SNTB2: variants seen among roughly 807,000 people sequenced by gnomAD.
SNTB2 encodes the protein beta-2-syntrophin.
SNTB2 carries 34 observed loss-of-function variants against 46.2 expected under a neutral mutation model. The ratio of observed to expected loss-of-function variants is 0.74; its 90% CI spans 0.56 to 0.98. The LOEUF is 0.98. Among genes scored for constraint, SNTB2 ranks in the 50% least tolerant of loss-of-function variants. SNTB2 has a pLI of 0.00. For missense variants in SNTB2, 603 were observed against 731.4 expected, an observed-to-expected ratio of 0.82 and a Z score of 2.02; for synonymous variants, 290 against 312.6, an observed-to-expected ratio of 0.93 and a Z score of 0.76.
chr16:69,265,395 C>T (rs1264650143), intron 3 of SNTB2, among the ~76,000 whole-genome samples: 1 of 152,194 alleles, frequency 6.6e-6, no homozygotes, highest in East Asian at 1.9e-4. Context: ...TTACTTTTTG[C>T]TCTCCATTTT....
chr16:69,213,086 A>C (rs571329082), intron 1 of SNTB2, among the ~76,000 whole-genome samples: 1 of 152,306 alleles, frequency 6.6e-6, no homozygotes, highest in East Asian at 1.9e-4. Context: ...GACAGTGGCA[A>C]GTCTTTTTTT....
At chr16:69,288,742 T>C (rs1292743185) in intron 5 of SNTB2, among the ~76,000 whole-genome samples, 1 of 152,196 alleles carries the variant, frequency 6.6e-6, no homozygotes, top group Non-Finnish European at 1.5e-5. Flanking sequence ...TGCACCTCCA[T>C]GTTTATTGCT....
At chr16:69,275,230 G>A (rs1262333863) in intron 4 of SNTB2, among the ~76,000 whole-genome samples, 1 of 151,830 alleles carries the variant, frequency 6.6e-6, no homozygotes, top group East Asian at 1.9e-4. Flanking sequence ...AAGCCACTAT[G>A]CCAGGTTAAT....
chr16:69,210,109 C>T (rs916114820), intron 1 of SNTB2, among the ~76,000 whole-genome samples: 2 of 147,904 alleles, frequency 1.4e-5, no homozygotes, highest in Admixed American at 1.4e-4. Flanking sequence ...CACCACCATC[C>T]GCCTCCTGGG....
At chr16:69,262,910 A>G (rs1964848520) in intron 3 of SNTB2, among the ~76,000 whole-genome samples, 1 of 152,062 alleles carries the variant, frequency 6.6e-6, no homozygotes, top group Non-Finnish European at 1.5e-5. Context: ...TCTTGACCTC[A>G]GGTCATCCAC....
At chr16:69,209,374 A>C (rs1003126062) in intron 1 of SNTB2, among the ~76,000 whole-genome samples, 1 of 152,178 alleles carries the variant, frequency 6.6e-6, no homozygotes, top group African/African-American at 2.4e-5. Flanking sequence ...TTCCATTATT[A>C]TCTGTGTGTA....
At chr16:69,284,399 T>C (rs934450521) in intron 5 of SNTB2, among the ~76,000 whole-genome samples, 155 bp downstream of exon 5, 40 of 144,334 alleles carry the variant, frequency 2.8e-4, no homozygotes, top group South Asian at 6.4e-4. Context: ...CTTTTCTAAG[T>C]GTACATATGT....
chr16:69,233,160 C>G (rs1160747369), intron 1 of SNTB2, among the ~76,000 whole-genome samples: 1 of 152,180 alleles, frequency 6.6e-6, no homozygotes, highest in African/African-American at 2.4e-5. Flanking sequence ...TTTCCCCCCT[C>G]ATGCCTAGCA....
At chr16:69,187,805 C>G (rs905330682) in intron 1 of SNTB2, 59 bp downstream of exon 1, 15 of 1,294,446 alleles carry the variant, frequency 1.2e-5, no homozygotes, top group Non-Finnish European at 1.3e-5. Context: ...CGCGGGAGCT[C>G]ACTTTGTTCC....
intron 1 of SNTB2, among the ~76,000 whole-genome samples, chr16:69,226,128 A>G (rs533309422): frequency 1.8e-4 from 28 of 151,400 alleles, no homozygotes; most frequent in African/African-American, 6.3e-4. Flanking sequence ...CTGGAGTGCT[A>G]TGGCGTGATC....
chr16:69,266,656 T>A (rs1964888165), intron 3 of SNTB2, among the ~76,000 whole-genome samples: 1 of 152,226 alleles, frequency 6.6e-6, no homozygotes, highest in African/African-American at 2.4e-5. Context: ...TTCCAAATGC[T>A]TATACTCTAG....
intron 1 of SNTB2, among the ~76,000 whole-genome samples, chr16:69,244,193 C>T (rs1964646200): frequency 6.6e-6 from 1 of 152,178 alleles, no homozygotes; most frequent in Non-Finnish European, 1.5e-5. Context: ...CCAAAGGCAT[C>T]TCTATGACCA....
chr16:69,265,799 C>A (rs772059043), intron 3 of SNTB2, among the ~76,000 whole-genome samples: 1 of 149,962 alleles, frequency 6.7e-6, no homozygotes, highest in Non-Finnish European at 1.5e-5. Flanking sequence ...TGCACTCCAG[C>A]CTAGGTGACA....
chr16:69,228,080 TAAG>T (rs1597179714), intron 1 of SNTB2, among the ~76,000 whole-genome samples: 2 of 152,118 alleles, frequency 1.3e-5, no homozygotes, highest in African/African-American at 2.4e-5. Context: ...TAGTACATAA[TAAG>T]CTCACTCTGT....
At position 69,292,396 on chromosome 16, in the gene SNTB2, ATATATATATATTATATATATAT is replaced by A. The variant is rs1279754541; in HGVS notation, c.1346-7182_1346-7161del. ...TATATATATTATATATATATTATAT[ATATATATATATTATATATATAT>A]TATATATATATATATATTATATATA... On this transcript the variant is annotated intron_variant, in intron 5 of 6. Coordinates refer to ENST00000336278, the MANE Select transcript of SNTB2 (RefSeq NM_006750.4). Among the ~76,000 whole-genome samples, 49 of 30,934 alleles carry A rather than the reference ATATATATATATTATATATATAT, an allele frequency of 1.6e-3. 7 individuals are homozygous for A. Among genetic ancestry groups the A allele is most frequent in the African/African-American group, 3.4e-3 (10 of 2,932 alleles). The allele number at this position is 30,934 out of a possible 152,430, so 20.3% of individuals were successfully genotyped here.
chr16:69,268,465 A>G (rs1019639751), intron 3 of SNTB2, among the ~76,000 whole-genome samples: 12 of 151,956 alleles, frequency 7.9e-5, no homozygotes, highest in Admixed American at 2.0e-4. Context: ...CTCTGTCTAA[A>G]AACACAATAA....
chr16:69,210,397 C>T (rs1460714149), intron 1 of SNTB2, among the ~76,000 whole-genome samples: 1 of 151,750 alleles, frequency 6.6e-6, no homozygotes, highest in Non-Finnish European at 1.5e-5. Flanking sequence ...GCTGCCATGC[C>T]TGGATAATTT....
chr16:69,207,825 A>G (rs1964239408), intron 1 of SNTB2, among the ~76,000 whole-genome samples: 1 of 151,116 alleles, frequency 6.6e-6, no homozygotes, highest in Non-Finnish European at 1.5e-5. Flanking sequence ...TGAAAAAAAT[A>G]GGCCAGGGGT....
intron 5 of SNTB2, among the ~76,000 whole-genome samples, chr16:69,292,428 A>AT (rs1383096985): frequency 2.6e-4 from 2 of 7,822 alleles, no homozygotes; most frequent in Non-Finnish European, 4.1e-4. Flanking sequence ...TTATATATAT[A>AT]TATATATTAT....
Sources: gnomAD v4.1 joint callset for allele counts (sites outside exome capture counted in the v4.1 genomes callset) on GRCh38, gnomAD v4.1.1 for gene constraint, MANE v1.5 for transcripts, NCBI Gene and HGNC (gene_info 2026-07-23, HGNC 2026-07-21) for gene names.